Variants in DIP2C observed in about 807,000 individuals in gnomAD.
DIP2C encodes the protein DIP2 acetate--CoA ligase C (putative), also known as disco-interacting protein 2 homolog C.
In DIP2C, 33 loss-of-function variants were observed where a neutral mutation model predicts 192.4. That is an observed-to-expected ratio of 0.17 (90% CI 0.13 to 0.23). The LOEUF (loss-of-function observed/expected upper bound fraction) is 0.23. Among genes scored for constraint, DIP2C ranks in the 10% least tolerant of loss-of-function variants. DIP2C has a pLI of 1.00. For missense variants in DIP2C, 1,537 were observed against 2,110.1 expected, an observed-to-expected ratio of 0.73 and a Z score of 5.32; for synonymous variants, 979 against 864.1, an observed-to-expected ratio of 1.13 and a Z score of -2.33.
chr10:608,855 G>A (rs1588593153), intron 1 of DIP2C, among the ~76,000 whole-genome samples: 1 of 150,884 alleles, frequency 6.6e-6, no homozygotes, highest in South Asian at 2.1e-4. Context: ...TACATACCAC[G>A]AGTCAGCATA....
At chr10:448,155 G>A (rs1347732325) in intron 3 of DIP2C, among the ~76,000 whole-genome samples, 1 of 127,076 alleles carries the variant, frequency 7.9e-6, no homozygotes, top group Non-Finnish European at 1.5e-5. Flanking sequence ...TGGGGCAGCA[G>A]GACCCGCTCA....
At chr10:542,291 T>C (rs1304198156) in intron 1 of DIP2C, among the ~76,000 whole-genome samples, 1 of 152,190 alleles carries the variant, frequency 6.6e-6, no homozygotes, top group African/African-American at 2.4e-5. Flanking sequence ...GCAGAAAGCA[T>C]GGTGCAGTGC....
chr10:304,805 A>T (rs144540739), intron 32 of DIP2C, among the ~76,000 whole-genome samples: 1 of 150,564 alleles, frequency 6.6e-6, no homozygotes, highest in East Asian at 1.9e-4. Flanking sequence ...ACACACATGC[A>T]CATGGGAGTG....
chr10:512,200 T>C (rs1455080272), intron 1 of DIP2C, among the ~76,000 whole-genome samples: 2 of 152,212 alleles, frequency 1.3e-5, no homozygotes, highest in African/African-American at 2.4e-5. Flanking sequence ...CCTAGAGGCA[T>C]ATTATTATGG....
At chr10:567,471 C>A (rs1233405056) in intron 1 of DIP2C, among the ~76,000 whole-genome samples, 1 of 151,910 alleles carries the variant, frequency 6.6e-6, no homozygotes, top group Non-Finnish European at 1.5e-5. Flanking sequence ...TCTGTTTTAA[C>A]AGCCACCCCT....
At chr10:581,109 G>C (rs1490138642) in intron 1 of DIP2C, among the ~76,000 whole-genome samples, 6 of 152,148 alleles carry the variant, frequency 3.9e-5, no homozygotes, top group African/African-American at 1.4e-4. Flanking sequence ...GCGATGTCTG[G>C]CAGAATGCAA....
chr10:508,808 G>A (rs1157322878), intron 1 of DIP2C, among the ~76,000 whole-genome samples: 1 of 152,200 alleles, frequency 6.6e-6, no homozygotes, highest in Non-Finnish European at 1.5e-5. Context: ...ACTGGCTGGA[G>A]ATGGGAAGTT....
At chr10:519,202 G>A (rs1250204345) in intron 1 of DIP2C, among the ~76,000 whole-genome samples, 1 of 152,214 alleles carries the variant, frequency 6.6e-6, no homozygotes, top group Non-Finnish European at 1.5e-5. Context: ...TGCAGGGTCT[G>A]CACAGCCACT....
At position 489,309 on chromosome 10, in the gene DIP2C, G is replaced by A. The variant is rs1040889413; in HGVS notation, c.86-2779C>T. 6.6e-5 allele frequency among the ~76,000 whole-genome samples: 10 copies of A among 152,206 alleles called. 1 individual carries two copies. The highest frequency in any genetic ancestry group is 6.2e-4 in the South Asian group (3 of 4,828). Reference sequence around the variant, plus strand: ...CCTTCTAGCAGCACTTTTACATGCCGTCCTTTATTTTGAAGAACCAATGTT... The same window carrying A: ...CCTTCTAGCAGCACTTTTACATGCCATCCTTTATTTTGAAGAACCAATGTT... On this transcript the variant is annotated intron_variant, in intron 1 of 36. Coordinates refer to ENST00000280886, the MANE Select transcript of DIP2C (RefSeq NM_014974.3).
chr10:603,628 T>C (rs1017699187), intron 1 of DIP2C, among the ~76,000 whole-genome samples: 8 of 152,208 alleles, frequency 5.3e-5, no homozygotes, highest in African/African-American at 1.9e-4. Context: ...CGTTTGTGTC[T>C]ATTTCCCACA....
intron 1 of DIP2C, among the ~76,000 whole-genome samples, chr10:599,060 G>C (rs1272267022): frequency 6.6e-6 from 1 of 152,180 alleles, no homozygotes; most frequent in Non-Finnish European, 1.5e-5. Flanking sequence ...GTAAGTGAAG[G>C]AGTCAGTCCC....
intron 18 of DIP2C, among the ~76,000 whole-genome samples, chr10:366,867 G>A (rs188806237): frequency 1.6e-4 from 25 of 152,218 alleles, no homozygotes; most frequent in East Asian, 1.5e-3. Context: ...CCACTGGAGC[G>A]CTTTGCACAC....
At chr10:577,265 C>T (rs944866580) in intron 1 of DIP2C, among the ~76,000 whole-genome samples, 18 of 152,152 alleles carry the variant, frequency 1.2e-4, no homozygotes, top group African/African-American at 3.1e-4. Flanking sequence ...ATTTAGAGAA[C>T]ATGTAAATAC....
intron 1 of DIP2C, among the ~76,000 whole-genome samples, chr10:624,328 C>A (rs530800119): frequency 6.6e-6 from 1 of 152,192 alleles, no homozygotes; most frequent in South Asian, 2.1e-4. Flanking sequence ...GGGGCCCTCA[C>A]GCTGCAGGTG....
intron 1 of DIP2C, among the ~76,000 whole-genome samples, chr10:607,207 A>G (rs1013152375): frequency 6.6e-6 from 1 of 152,226 alleles, no homozygotes; most frequent in African/African-American, 2.4e-5. Flanking sequence ...GAAGGCCTAA[A>G]GCCTCGAAGA....
chr10:436,194 C>A (rs1967180069), intron 4 of DIP2C, among the ~76,000 whole-genome samples: 2 of 152,210 alleles, frequency 1.3e-5, no homozygotes, highest in South Asian at 4.1e-4. Context: ...CATTTTACTG[C>A]CTTTTTCTTG....
At chr10:592,096 T>C (rs1005766034) in intron 1 of DIP2C, among the ~76,000 whole-genome samples, 3 of 152,222 alleles carry the variant, frequency 2.0e-5, no homozygotes, top group African/African-American at 4.8e-5. Flanking sequence ...GAGGTTTTTT[T>C]CTGTTATAAA....
intron 17 of DIP2C, 109 bp downstream of exon 17, chr10:382,538 C>T (rs773993030): frequency 5.6e-5 from 45 of 799,336 alleles, no homozygotes; most frequent in South Asian, 2.7e-4. Flanking sequence ...GGTTAGGTCC[C>T]GTTTTCACCC....
chr10:680,511 A>T (rs1831092825), intron 1 of DIP2C, among the ~76,000 whole-genome samples: 1 of 152,168 alleles, frequency 6.6e-6, no homozygotes, highest in South Asian at 2.1e-4. Context: ...CAACCTGCTT[A>T]GGATGATTCT....
Sources: gnomAD v4.1 joint callset for allele counts (sites outside exome capture counted in the v4.1 genomes callset) on GRCh38, gnomAD v4.1.1 for gene constraint, MANE v1.5 for transcripts, NCBI Gene and HGNC (gene_info 2026-07-23, HGNC 2026-07-21) for gene names.